RASL12: variants seen among roughly 807,000 people sequenced by gnomAD.
RASL12 encodes the protein ras-like protein family member 12.
Under a neutral mutation model 22.9 loss-of-function variants are expected in RASL12, and 16 were observed. The observed-to-expected ratio is 0.70, with a 90% CI of 0.47 to 1.06. The LOEUF is 1.06. Among genes scored for constraint, RASL12 ranks in the 50% least tolerant of loss-of-function variants. RASL12 has a pLI of 0.00. For missense variants in RASL12, 306 were observed against 353.1 expected (o/e 0.87, Z 1.07); for synonymous variants, 159 against 152.2 (o/e 1.04, Z -0.33).
chr15:65,060,259 T>C (rs1045374764), intron 2 of RASL12, among the ~76,000 whole-genome samples: 1 of 152,154 alleles, frequency 6.6e-6, no homozygotes, highest in Non-Finnish European at 1.5e-5. Flanking sequence ...GTGGGAATGA[T>C]GGTGTTCCAA....
Position 65,073,362 on chromosome 15 carries a change from C to T in RASL12, c.70+3167G>A, listed in dbSNP as rs543911342. Reference sequence around the variant, plus strand: ...CTTGTTCTCCTGCAACTAAACAGTCCCATCTGGAGGTGATGGGAGACAGTG... The same window carrying T: ...CTTGTTCTCCTGCAACTAAACAGTCTCATCTGGAGGTGATGGGAGACAGTG... On this transcript the variant is annotated intron_variant, in intron 1 of 4. Coordinates refer to the RASL12 transcript ENST00000434605. 2.0e-5 allele frequency among the ~76,000 whole-genome samples: 3 copies of T among 152,098 alleles called. No individual in the cohort carries two copies. In the South Asian group the frequency reaches 6.2e-4, roughly 32 times the overall value.
chr15:65,046,792 T>G, the RASL12 span, among the ~76,000 whole-genome samples: 7 of 149,972 alleles, frequency 4.7e-5, no homozygotes, highest in Non-Finnish European at 7.4e-5. Context: ...ACATGCCTGT[T>G]GTACCAGCTG....
chr15:65,067,900 C>T lies in RASL12; in HGVS notation c.-65G>A, dbSNP rs867394689. 9.5e-6 allele frequency: 13 copies of T among 1,370,724 alleles called. No homozygotes were observed. The highest frequency in any genetic ancestry group is 2.4e-4 in the Middle Eastern group (1 of 4,166). 84.9% of individuals were successfully genotyped at this position (1,370,724 alleles called of 1,614,324 possible). ...GGCCCCGCGCAGTGCGCCCGCCCGTCGGGGCCCAGGGGAGCGGGATGCAGG... is the reference window on the plus strand; with the variant it reads ...GGCCCCGCGCAGTGCGCCCGCCCGTTGGGGCCCAGGGGAGCGGGATGCAGG... On this transcript the variant is annotated 5_prime_UTR_variant, in exon 1 of 5. Transcript: ENST00000220062.
At chr15:65,049,033 ATAACT>A (rs2086612565), downstream of RASL12, among the ~76,000 whole-genome samples, 1 of 151,936 alleles carries the variant, frequency 6.6e-6, no homozygotes, top group Non-Finnish European at 1.5e-5. Flanking sequence ...AAAAAGCGAA[ATAACT>A]TAACAATTTT....
chr15:65,076,219 C>T (rs973779428), intron 1 of RASL12, among the ~76,000 whole-genome samples: 3 of 152,182 alleles, frequency 2.0e-5, no homozygotes, highest in Admixed American at 6.5e-5. Context: ...ACGCTTTATT[C>T]TTTTCCTCTT....
intron 1 of RASL12, among the ~76,000 whole-genome samples, chr15:65,075,355 C>T (rs2086959087): frequency 6.6e-6 from 1 of 152,238 alleles, no homozygotes. Context: ...ACGAGCACTA[C>T]CCCCTGCTCC....
intron 4 of RASL12, among the ~76,000 whole-genome samples, chr15:65,057,859 G>A (rs1320436900): frequency 3.3e-5 from 5 of 152,208 alleles, no homozygotes; most frequent in South Asian, 2.1e-4. Context: ...AGAGACCCAA[G>A]AGCGCGGAAG....
At chr15:65,075,691 G>A (rs1316350244) in intron 1 of RASL12, among the ~76,000 whole-genome samples, 1 of 149,968 alleles carries the variant, frequency 6.7e-6, no homozygotes, top group Non-Finnish European at 1.5e-5. Flanking sequence ...CTAGCTCAGG[G>A]ATTGTAAATA....
In RASL12 at chr15:65,058,588, C is replaced by G; in HGVS notation, c.264G>C (p.Leu88=). ...LDTPRNCERY[L]NWAHAFLVVY... ...CCACCAGGAAGGCATGGGCCCAGTT[C>G]AGGTAGCGCTCGCAGTTCCTGGGGG... Residue 88 remains leucine (L), a synonymous_variant, in exon 4 of 5, where the codon CTG becomes CTC. Transcript: ENST00000220062. 1 of 1,584,202 alleles carries G rather than the reference C, an allele frequency of 6.3e-7. No individual in the cohort carries two copies. Among genetic ancestry groups the G allele is most frequent in the Non-Finnish European group, 8.6e-7 (1 of 1,159,862 alleles).
At chr15:65,065,610 A>T (rs2140530659) in intron 1 of RASL12, among the ~76,000 whole-genome samples, 1 of 152,336 alleles carries the variant, frequency 6.6e-6, no homozygotes, top group South Asian at 2.1e-4. Flanking sequence ...TGAAACCTCA[A>T]CTGAAGGGAG....
At chr15:65,051,143 C>A (rs997076585), downstream of RASL12, among the ~76,000 whole-genome samples, 1 of 152,138 alleles carries the variant, frequency 6.6e-6, no homozygotes, top group Non-Finnish European at 1.5e-5. Flanking sequence ...TGAGCCCAGC[C>A]TTCTTTCTTT....
At position 65,067,836 on chromosome 15, in the gene RASL12, G is replaced by A. The variant is rs754836281; in HGVS notation, c.-1C>T. 46 of 1,540,632 alleles carry A rather than the reference G, an allele frequency of 3.0e-5. No homozygotes were observed. The highest frequency in any genetic ancestry group is 4.0e-5 in the Non-Finnish European group (46 of 1,148,350). Reference sequence around the variant, plus strand: ...GGGGTTTTCCAAACACCGAGGACATGGCGACGCCCTGGACGGCCACGCAGG... The same window carrying A: ...GGGGTTTTCCAAACACCGAGGACATAGCGACGCCCTGGACGGCCACGCAGG... On this transcript the variant is annotated 5_prime_UTR_variant, in exon 1 of 5. Coordinates refer to ENST00000220062, the MANE Select transcript of RASL12 (RefSeq NM_016563.4).
At chr15:65,056,357 A>T (rs7172429) in intron 4 of RASL12, among the ~76,000 whole-genome samples, 1 of 151,976 alleles carries the variant, frequency 6.6e-6, no homozygotes, top group East Asian at 1.9e-4. Context: ...ATGGTGAGGC[A>T]CGCGGTCTCA....
At chr15:65,059,484 T>A in intron 2 of RASL12, 66 bp from the exon 3 acceptor site, 1 of 1,291,808 alleles carries the variant, frequency 7.7e-7, no homozygotes, top group Non-Finnish European at 1.1e-6. Context: ...CTTCCCTCTG[T>A]GCTAGACCCC....
At chr15:65,053,102 G>T (rs2086677238), downstream of RASL12, 1 of 1,614,004 alleles carries the variant, frequency 6.2e-7, no homozygotes, top group African/African-American at 1.3e-5. Flanking sequence ...GGTGGAACTT[G>T]AGTTAAAAGA....
upstream of RASL12, among the ~76,000 whole-genome samples, chr15:65,072,866 C>T (rs960489102): frequency 7.2e-5 from 11 of 152,096 alleles, no homozygotes; most frequent in African/African-American, 2.7e-4. Context: ...AGAGAGGCAT[C>T]GGAGCACAGT....
At chr15:65,049,895 A>G, downstream of RASL12, 1 of 686,972 alleles carries the variant, frequency 1.5e-6, no homozygotes, top group Non-Finnish European at 2.4e-6. Flanking sequence ...CTTTGTTTCC[A>G]GGGGTCTTCA....
chr15:65,052,399 CTTTTTTTTTTTTT>C (rs34021026), downstream of RASL12, among the ~76,000 whole-genome samples: 4 of 76,346 alleles, frequency 5.2e-5, no homozygotes, highest in Admixed American at 1.5e-4. Flanking sequence ...GCATCCTTGG[CTTTTTTTTTTTTT>C]TTTTTTTTTT....
rs185115218 is a variant in RASL12, at chr15:65,055,031, C to A, written c.669G>T (p.Thr223=). 7 of 1,613,674 alleles carry A rather than the reference C, an allele frequency of 4.3e-6. No individual in the cohort carries two copies. The highest frequency in any genetic ancestry group is 1.3e-5 in the African/African-American group (1 of 74,944). The part of the protein sequence containing the change: ...RHGLASCTFN[T]LSTINLKEMP... ...TCTCCTTCAGGTTGATGGTGGAGAG[C>A]GTGTTGAAGGTGCAGCTGGCCAGCC... The change falls in exon 5 of 5, where the codon ACG becomes ACT. Residue 223 remains threonine (T), a synonymous_variant. Transcript: ENST00000220062.
Sources: gnomAD v4.1 joint callset for allele counts (sites outside exome capture counted in the v4.1 genomes callset) on GRCh38, gnomAD v4.1.1 for gene constraint, MANE v1.5 for transcripts, NCBI Gene and HGNC (gene_info 2026-07-23, HGNC 2026-07-21) for gene names.